The following ZNF341 variants were observed in gnomAD, a reference collection of about 807,000 sequenced individuals.
ZNF341 encodes the protein zinc finger protein 341.
Under a neutral mutation model 87.7 loss-of-function variants are expected in ZNF341, and 52 were observed. The ratio of observed to expected loss-of-function variants is 0.59; its 90% CI spans 0.47 to 0.75. ZNF341 has a LOEUF of 0.75. Among genes scored for constraint, ZNF341 ranks in the 30% least tolerant of loss-of-function variants. The probability of loss-of-function intolerance (pLI) is 0.00; values close to 1 mark genes in which losing one functional copy is unlikely to be tolerated. For missense variants in ZNF341, 977 were observed against 1,145.9 expected, an observed-to-expected ratio of 0.85 and a Z score of 2.13; for synonymous variants, 459 against 472.7, an observed-to-expected ratio of 0.97 and a Z score of 0.38.
rs745679012 is a variant in ZNF341, at chr20:33,761,937, C to T, written c.1104C>T (p.His368=). The part of the protein sequence containing the change: ...AFAQKSNVKK[H]MQTHKVWPPG... ...CCCAGAAGTCTAATGTTAAGAAACA[C>T]ATGCAGACCCACAAGGTGTGGCCTC... The change falls in exon 8 of 15, where the codon CAC becomes CAT. Residue 368 remains histidine (H), a synonymous_variant. Coordinates refer to ENST00000375200, the MANE Select transcript of ZNF341 (RefSeq NM_001282933.2). 1.2e-6 allele frequency: 2 copies of T among 1,608,122 alleles called. No individual in the cohort carries two copies. The highest frequency in any genetic ancestry group is 1.7e-6 in the Non-Finnish European group (2 of 1,175,798).
intron 7 of ZNF341, among the ~76,000 whole-genome samples, chr20:33,760,933 A>G (rs2019277631): frequency 6.6e-6 from 1 of 152,162 alleles, no homozygotes; most frequent in Non-Finnish European, 1.5e-5. Flanking sequence ...TGTTTACTTT[A>G]TGATAAGTGG....
chr20:33,783,757 G>A lies in ZNF341; in HGVS notation c.1745G>A (p.Arg582Gln), dbSNP rs1331937591. Reference protein sequence around the residue: ...QKVFPCERYLRRHLPTHGSGG... With the variant: ...QKVFPCERYLQRHLPTHGSGG... The stretch of plus-strand genomic sequence containing the variant: ...GTGTTTCCTTGTGAACGCTACCTGC[G>A]GCGTCATCTGCCCACCCACGGCAGC... Residue 582 changes from arginine (R) to glutamine (Q), a missense_variant, in exon 12 of 15, where the codon CGG (arginine) becomes CAG (glutamine). Coordinates refer to ENST00000375200, the MANE Select transcript of ZNF341 (RefSeq NM_001282933.2). 2.5e-6 allele frequency: 4 copies of A among 1,613,660 alleles called. No homozygotes were observed. The highest frequency in any genetic ancestry group is 2.7e-5 in the African/African-American group (2 of 74,820).
At chr20:33,750,676 T>C (rs1326685005) in intron 4 of ZNF341, among the ~76,000 whole-genome samples, 1 of 151,930 alleles carries the variant, frequency 6.6e-6, no homozygotes, top group Non-Finnish European at 1.5e-5. Flanking sequence ...GTCTCGCTCT[T>C]GTCACCTAGG....
At chr20:33,744,593 T>C (rs1438650470) in intron 2 of ZNF341, among the ~76,000 whole-genome samples, 2 of 73,998 alleles carry the variant, frequency 2.7e-5, no homozygotes, top group Non-Finnish European at 5.2e-5. Context: ...AACTGTGTGG[T>C]TTTTTTTCTT....
At chr20:33,788,038 C>T (rs6057908) in intron 12 of ZNF341, 5,305 of 152,518 alleles carry the variant, frequency 0.035, 331 homozygotes, top group African/African-American at 0.12. Context: ...CCTCCACCCT[C>T]ATTCGAGCTG....
intron 3 of ZNF341, among the ~76,000 whole-genome samples, 161 bp from the exon 4 acceptor site, chr20:33,748,762 T>C (rs1271108632): frequency 6.6e-6 from 1 of 152,138 alleles, no homozygotes; most frequent in East Asian, 1.9e-4. Flanking sequence ...GAGGTAGAAA[T>C]GGAATCCACG....
chr20:33,787,601 C>T (rs954756019), intron 12 of ZNF341: 9 of 152,244 alleles, frequency 5.9e-5, no homozygotes, highest in African/African-American at 1.7e-4. Context: ...CCTGTGGGTT[C>T]CTCAGGTAGC....
rs1322140692 is a variant in ZNF341 at position 33,761,952 on chromosome 20, G to T, written c.1119G>T (p.Lys373Asn). ...SNVKKHMQTH[K>N]VWPPGHSGGT... ...TTAAGAAACACATGCAGACCCACAAGGTGTGGCCTCCAGGACACAGTGGTG... is the reference window on the plus strand; with the variant it reads ...TTAAGAAACACATGCAGACCCACAATGTGTGGCCTCCAGGACACAGTGGTG... The change falls in exon 8 of 15, where the codon AAG (lysine) becomes AAT (asparagine). Residue 373 changes from lysine to asparagine, a missense_variant. Transcript: ENST00000375200. 1 of 1,609,136 alleles carries T rather than the reference G, an allele frequency of 6.2e-7. No homozygotes were observed. The highest frequency in any genetic ancestry group is 8.5e-7 in the Non-Finnish European group (1 of 1,176,612).
At chr20:33,786,639 A>G (rs1485628356) in intron 12 of ZNF341, among the ~76,000 whole-genome samples, 3 of 152,154 alleles carry the variant, frequency 2.0e-5, no homozygotes, top group African/African-American at 7.2e-5. Context: ...ATATTACCAA[A>G]TTGCTCTTTA....
intron 6 of ZNF341, among the ~76,000 whole-genome samples, chr20:33,757,788 T>C (rs1776153416): frequency 6.6e-6 from 1 of 152,244 alleles, no homozygotes; most frequent in Admixed American, 6.5e-5. Context: ...CTTAGTCACA[T>C]GGCCATACCT....
intron 2 of ZNF341, 125 bp downstream of exon 2, chr20:33,741,137 G>A (rs2018793435): frequency 1.1e-6 from 1 of 885,614 alleles, no homozygotes; most frequent in South Asian, 1.5e-5. Context: ...TCTGGTGTCT[G>A]AACCCTCTCC....
chr20:33,766,132 G>C (rs961766484), intron 8 of ZNF341, among the ~76,000 whole-genome samples: 2 of 151,894 alleles, frequency 1.3e-5, no homozygotes, highest in Non-Finnish European at 2.9e-5. Flanking sequence ...TGATCTGCCC[G>C]CCTTGGCCTC....
intron 14 of ZNF341, 133 bp from the exon 15 acceptor site, chr20:33,790,855 C>T (rs1304712595): frequency 1.3e-5 from 14 of 1,100,364 alleles, no homozygotes; most frequent in Middle Eastern, 2.9e-4. Context: ...AGGCAGACGA[C>T]GAGGGTGGAG....
intron 12 of ZNF341, among the ~76,000 whole-genome samples, chr20:33,786,711 G>A (rs918761709): frequency 1.3e-5 from 2 of 152,140 alleles, no homozygotes; most frequent in Non-Finnish European, 1.5e-5. Context: ...GCTCATGCCT[G>A]TAATCTCAGC....
Position 33,745,259 on chromosome 20 carries a change from C to A in ZNF341, c.299C>A (p.Pro100His), listed in dbSNP as rs760483925. 6.2e-7 allele frequency: 1 copy of A among 1,614,126 alleles called. No individual in the cohort carries two copies. The highest frequency in any genetic ancestry group is 8.5e-7 in the Non-Finnish European group (1 of 1,179,986). The change falls in exon 3 of 15, where the codon CCC (proline) becomes CAC (histidine). Residue 100 changes from proline to histidine, a missense_variant. Pro to His is a moderately conservative substitution (Grantham distance 77). Transcript: ENST00000375200. ...TNSIYPPSAA[P>H]TAVQQAPTPA... The stretch of plus-strand genomic sequence containing the variant: ...AGCATCTACCCACCTTCGGCAGCAC[C>A]CACAGCGGTCCAGCAGGCCCCAACT...
At chr20:33,759,380 G>A (rs2019247469) in intron 7 of ZNF341, among the ~76,000 whole-genome samples, 1 of 152,158 alleles carries the variant, frequency 6.6e-6, no homozygotes, top group African/African-American at 2.4e-5. Flanking sequence ...TGACTCCTGG[G>A]TTCATGTGAT....
chr20:33,749,543 C>T (rs191991025), intron 4 of ZNF341, among the ~76,000 whole-genome samples: 1 of 152,130 alleles, frequency 6.6e-6, no homozygotes, highest in Admixed American at 6.6e-5. Context: ...GTGAGCCCCC[C>T]ACCTCAGCCT....
At chr20:33,749,908 A>G (rs2019018347) in intron 4 of ZNF341, among the ~76,000 whole-genome samples, 1 of 149,138 alleles carries the variant, frequency 6.7e-6, no homozygotes, top group Admixed American at 6.7e-5. Flanking sequence ...GTGCGCCACC[A>G]CGCCCAGCTG....
chr20:33,752,842 A>G (rs2626539), intron 4 of ZNF341, among the ~76,000 whole-genome samples: 8,514 of 151,854 alleles, frequency 0.056, 813 homozygotes, highest in African/African-American at 0.19. Flanking sequence ...TAGTAGAGAC[A>G]GGGTTTCACC....
Sources: allele counts gnomAD v4.1 joint callset (sites outside exome capture counted in the v4.1 genomes callset), GRCh38; gene constraint gnomAD v4.1.1; transcripts MANE v1.5; gene names NCBI Gene and HGNC (gene_info 2026-07-23, HGNC 2026-07-21).